LAMP1: variants seen among roughly 807,000 people sequenced by gnomAD.
LAMP1 encodes lysosome-associated membrane glycoprotein 1.
A neutral mutation model predicts 37.5 loss-of-function variants in LAMP1; 7 were observed. The ratio of observed to expected loss-of-function variants is 0.19; its 90% confidence interval spans 0.11 to 0.35. The LOEUF is 0.35. Ranked by LOEUF, LAMP1 falls within the 10% of genes least tolerant of loss-of-function variation. The probability of loss-of-function intolerance (pLI) is 1.00; values close to 1 mark genes in which losing one functional copy is unlikely to be tolerated. For synonymous variants in LAMP1, 236 were observed against 229.1 expected (o/e 1.03, Z -0.27); for missense variants, 537 against 552.8 (o/e 0.97, Z 0.29).
Position 113,319,489 on chromosome 13 carries a change from A to T in LAMP1, c.583A>T (p.Arg195Trp). 1 of 1,613,002 alleles carries T rather than the reference A, an allele frequency of 6.2e-7. No homozygotes were observed. The highest frequency in any genetic ancestry group is 8.5e-7 in the Non-Finnish European group (1 of 1,179,484). ...TGCAGAGACACGCTGTGAACAAGAC[A>T]GGCCTTCCCCAACCACAGCGCCCCC... ...SRGETRCEQD[R>W]PSPTTAPPAP... The change falls in exon 5 of 9, where the codon AGG becomes TGG. Residue 195 changes from arginine to tryptophan, a missense_variant. Physicochemically the swap from Arg to Trp is moderately radical, Grantham distance 101. Transcript: ENST00000332556.
At chr13:113,306,122 G>A in intron 1 of LAMP1, 1 of 175,152 alleles carries the variant, frequency 5.7e-6, no homozygotes, top group Non-Finnish European at 1.2e-5. Flanking sequence ...ACCTTGGGAG[G>A]CCAAGGTGGG....
intron 4 of LAMP1, among the ~76,000 whole-genome samples, chr13:113,314,230 A>C (rs1372869453): frequency 1.2e-5 from 1 of 80,336 alleles, no homozygotes. Context: ...CCTGGAGGGA[A>C]CCAGTGCGGA....
At chr13:113,313,942 G>A (rs572471225) in intron 4 of LAMP1, among the ~76,000 whole-genome samples, 33 of 90,818 alleles carry the variant, frequency 3.6e-4, no homozygotes, top group African/African-American at 2.0e-3. Context: ...CCTAGAGGGA[G>A]TCAGTGTGGA....
intron 1 of LAMP1, among the ~76,000 whole-genome samples, chr13:113,304,215 T>G (rs1426242464): frequency 6.6e-6 from 1 of 152,236 alleles, no homozygotes; most frequent in East Asian, 1.9e-4. Context: ...AAAGGGCAGC[T>G]TAATAAAAGC....
intron 1 of LAMP1, among the ~76,000 whole-genome samples, chr13:113,299,936 C>A (rs918321999): frequency 4.6e-5 from 7 of 150,980 alleles, no homozygotes; most frequent in Admixed American, 2.6e-4. Flanking sequence ...TTTTAATGTG[C>A]GATTTCACCA....
At position 113,322,373 on chromosome 13, in the gene LAMP1, C is replaced by G; in HGVS notation, c.1206C>G (p.Ala402=). 6.2e-7 allele frequency: 1 copy of G among 1,602,314 alleles called. No homozygotes were observed. The highest frequency in any genetic ancestry group is 1.7e-5 in the Admixed American group (1 of 58,746). Residue 402 remains alanine (A), a synonymous_variant, in exon 9 of 9, where the codon GCC becomes GCG. Coordinates refer to ENST00000332556, the MANE Select transcript of LAMP1 (RefSeq NM_005561.4). The part of the protein sequence containing the change: ...LAGLVLIVLI[A]YLVGRKRSHA... ...GGCTGGTCCTCATCGTCCTCATCGC[C>G]TACCTCGTCGGCAGGAAGAGGAGTC...
At chr13:113,316,873 CAA>C (rs772711948) in intron 4 of LAMP1, among the ~76,000 whole-genome samples, 40 of 99,000 alleles carry the variant, frequency 4.0e-4, no homozygotes, top group Admixed American at 6.8e-4. Context: ...GACTCTGTCT[CAA>C]AAAAAAAAAA....
At chr13:113,301,627 T>TAAAA (rs1161593860) in intron 1 of LAMP1, among the ~76,000 whole-genome samples, 1 of 9,396 alleles carries the variant, frequency 1.1e-4, no homozygotes, top group African/African-American at 2.8e-4. Context: ...TGTTTCCATT[T>TAAAA]AAAAAAAAAA....
chr13:113,306,927 C>T (rs1286374365), intron 2 of LAMP1, among the ~76,000 whole-genome samples: 1 of 131,714 alleles, frequency 7.6e-6, no homozygotes, highest in Admixed American at 9.3e-5. Flanking sequence ...GCAAGCTCCG[C>T]CTCCTGGGTT....
Position 113,297,265 on chromosome 13 carries a change from GTCT to G in LAMP1, c.-164_-162del, listed in dbSNP as rs1230752890. ...CGTGACAAGCGCTGCCGGCCGCGGT[GTCT>G]TCTTCGTGCCGGCGTCGCAGTGGCC... is the stretch of plus-strand genomic sequence containing the variant. On this transcript the variant is annotated 5_prime_UTR_variant, in exon 1 of 9. Coordinates refer to ENST00000332556, the MANE Select transcript of LAMP1 (RefSeq NM_005561.4). The surrounding 1 kb of genome is among the most constrained non-coding windows in gnomAD (Gnocchi z 4.4). 2 of 170,574 alleles carry G rather than the reference GTCT, an allele frequency of 1.2e-5. No homozygotes were observed. Among genetic ancestry groups the G allele is most frequent in the African/African-American group, 4.8e-5 (2 of 41,824 alleles). The allele number at this position is 170,574 out of a possible 1,614,324, so 10.6% of individuals were successfully genotyped here. A position where few individuals can be genotyped will look rare whatever the true frequency, so the allele number is the denominator to read the frequency against.
rs80078943 is a variant in LAMP1, at chr13:113,307,012, T to A, written c.183+406T>A. Among the ~76,000 whole-genome samples the A allele has an allele frequency of 8.9e-3, 1,339 of 150,960 alleles. 71 individuals are homozygous for A. In the East Asian group the frequency reaches 0.14, roughly 16 times the overall value. ...TCGCCACCACGCACAGCTAATATTT[T>A]GTATTTTTAGTAGAGATGGGGTTTC... On this transcript the variant is annotated intron_variant, in intron 2 of 8. Transcript: ENST00000332556.
rs2042696494 is a variant in LAMP1, at chr13:113,321,086, T to G, written c.877-318T>G. 2.9e-6 allele frequency: 1 copy of G among 347,746 alleles called. No individual in the cohort carries two copies. Among genetic ancestry groups the G allele is most frequent in the Non-Finnish European group, 5.5e-6 (1 of 182,212 alleles). The allele number at this position is 347,746 out of a possible 1,614,324, so 21.5% of individuals were successfully genotyped here. ...GTCCCAGCTACTTGGGAGGCTGAGG[T>G]GGGAGGATCACTTGAGCCCAGGAGT... On this transcript the variant is annotated intron_variant, in intron 6 of 8. Coordinates refer to ENST00000332556, the MANE Select transcript of LAMP1 (RefSeq NM_005561.4). This position sits in a 1 kb window ranked among gnomAD's most constrained non-coding sequence, Gnocchi z 5.6.
Position 113,322,328 on chromosome 13 carries a change from T to G in LAMP1, c.1161T>G (p.Ala387=), listed in dbSNP as rs752135257. The change falls in exon 9 of 9, where the codon GCT becomes GCG. Residue 387 remains alanine, a synonymous_variant. Transcript: ENST00000332556. ...AGAACAGCATGCTGATCCCCATCGC[T>G]GTGGGTGGTGCCCTGGCGGGGCTGG... ...LDENSMLIPI[A]VGGALAGLVL... The G allele has an allele frequency of 6.2e-7, 1 of 1,613,886 alleles. No individual in the cohort carries two copies. Among genetic ancestry groups the G allele is most frequent in the Non-Finnish European group, 8.5e-7 (1 of 1,179,954 alleles).
At position 113,320,313 on chromosome 13, in the gene LAMP1, A is replaced by G; in HGVS notation, c.751-32A>G. The G allele has an allele frequency of 6.2e-7, 1 of 1,613,604 alleles. No homozygotes were observed. The highest frequency in any genetic ancestry group is 8.5e-7 in the Non-Finnish European group (1 of 1,179,782). ...TTCGAGAGTGTGGAGGACCTGAGCT[A>G]GGGTGGTGACTTGCTTGCTTGTCTT... On this transcript the variant is annotated intron_variant, in intron 5 of 8. Transcript: ENST00000332556. This position sits in a 1 kb window ranked among gnomAD's most constrained non-coding sequence, Gnocchi z 4.4.
intron 1 of LAMP1, among the ~76,000 whole-genome samples, chr13:113,301,339 G>A (rs1051329091): frequency 1.3e-5 from 2 of 151,892 alleles, no homozygotes; most frequent in Non-Finnish European, 2.9e-5. Flanking sequence ...AGAAATATAC[G>A]GCCGGGCACG....
At chr13:113,307,629 A>G (rs1474217361) in intron 2 of LAMP1, among the ~76,000 whole-genome samples, 2 of 152,116 alleles carry the variant, frequency 1.3e-5, no homozygotes, top group Non-Finnish European at 2.9e-5. Context: ...CAAGAAATGT[A>G]TATAAATGGT....
Position 113,309,847 on chromosome 13 carries a change from A to G in LAMP1, c.388A>G (p.Asn130Asp), listed in dbSNP as rs1216166759. The G allele has an allele frequency of 6.2e-7, 1 of 1,612,580 alleles. No homozygotes were observed. Among genetic ancestry groups the G allele is most frequent in the African/African-American group, 1.3e-5 (1 of 74,902 alleles). The change falls in exon 3 of 9, where the codon AAT (asparagine) becomes GAT (aspartate). Residue 130 changes from asparagine (N) to aspartate (D), a missense_variant. Physicochemically the swap from Asn to Asp is conservative, Grantham distance 23. Transcript: ENST00000332556. ...CTTGTCAGACACACACCTTTTCCCC[A>G]ATGCGAGCTCCAAAGGTAAGAACCA... Reference protein sequence around the residue: ...YNLSDTHLFPNASSKEIKTVE... With the variant: ...YNLSDTHLFPDASSKEIKTVE...
intron 1 of LAMP1, among the ~76,000 whole-genome samples, chr13:113,300,494 A>G (rs1443370178): frequency 2.7e-5 from 4 of 149,398 alleles, no homozygotes; most frequent in Non-Finnish European, 4.4e-5. Flanking sequence ...GTCAAAAAAA[A>G]AAAAAAAAAA....
chr13:113,314,270 C>T (rs377176709), intron 4 of LAMP1, among the ~76,000 whole-genome samples: 379 of 40,972 alleles, frequency 9.3e-3, no homozygotes, highest in Middle Eastern at 0.021. Context: ...CGTGGCCTCC[C>T]GGAGGGAGTC....
Sources: allele counts gnomAD v4.1 joint callset (sites outside exome capture counted in the v4.1 genomes callset), GRCh38; gene constraint gnomAD v4.1.1; non-coding constraint Gnocchi (gnomAD v3.1); transcripts MANE v1.5; gene names NCBI Gene and HGNC (gene_info 2026-07-23, HGNC 2026-07-21).